The following DNALI1 variants were observed in gnomAD, a reference collection of about 807,000 sequenced individuals.
The protein encoded by DNALI1 is axonemal dynein light intermediate polypeptide 1.
Under a neutral mutation model 33.9 loss-of-function variants are expected in DNALI1, and 31 were observed. The observed-to-expected ratio is 0.91, with a 90% CI of 0.69 to 1.23. The LOEUF (loss-of-function observed/expected upper bound fraction) is 1.23. Ranked by LOEUF, DNALI1 falls within the 50% of genes most tolerant of loss-of-function variation. The pLI is 0.00. For missense variants in DNALI1, 305 were observed against 323.8 expected, an observed-to-expected ratio of 0.94 and a Z score of 0.44; for synonymous variants, 117 against 129.2, an observed-to-expected ratio of 0.91 and a Z score of 0.64.
At chr1:37,557,367 C>T (rs1356826764) in intron 1 of DNALI1, among the ~76,000 whole-genome samples, 4 of 152,144 alleles carry the variant, frequency 2.6e-5, no homozygotes, top group African/African-American at 9.7e-5. Context: ...GTGATTTCCC[C>T]ATCACCAGAG....
At chr1:37,560,959 A>G (rs1380554116) in intron 3 of DNALI1, 1 of 152,418 alleles carries the variant, frequency 6.6e-6, no homozygotes, top group Non-Finnish European at 1.5e-5. Flanking sequence ...GCTGGTGTCA[A>G]ATGGCTGTCT....
rs1207558729 is a variant in DNALI1, at chr1:37,561,413, G to A, written c.398-144G>A. 6 of 1,064,666 alleles carry A rather than the reference G, an allele frequency of 5.6e-6. No individual in the cohort carries two copies. The East Asian group carries it at 1.6e-4, about 28-fold the overall frequency. The allele number at this position is 1,064,666 out of a possible 1,614,324, so 66.0% of individuals were successfully genotyped here. ...TTGGGCCACTGAAGGCACCCTCCCT[G>A]AGGCCCTTCTCTGAGGCCTTGCACT... On this transcript the variant is annotated intron_variant, in intron 3 of 5. Transcript: ENST00000652629. The surrounding 1 kb of genome is among the most constrained non-coding windows in gnomAD (Gnocchi z 4.6).
At position 37,559,315 on chromosome 1, in the gene DNALI1, T is replaced by A; in HGVS notation, c.228-12T>A. On this transcript the variant is annotated splice_polypyrimidine_tract_variant and intron_variant, in intron 2 of 5. Coordinates refer to ENST00000652629, the MANE Select transcript of DNALI1 (RefSeq NM_003462.5). This position sits in a 1 kb window ranked among gnomAD's most constrained non-coding sequence, Gnocchi z 5.3. ...CAACGGGTTTTGCTCAGCCTCGCTGTGTCTGCCACAGGGAGTGGGTGGAAG... is the reference window on the plus strand; with the variant it reads ...CAACGGGTTTTGCTCAGCCTCGCTGAGTCTGCCACAGGGAGTGGGTGGAAG... 1.9e-6 allele frequency: 3 copies of A among 1,587,084 alleles called. No homozygotes were observed. Among genetic ancestry groups the A allele is most frequent in the Non-Finnish European group, 2.6e-6 (3 of 1,165,836 alleles).
chr1:37,560,018 C>T (rs1179472750), intron 3 of DNALI1, among the ~76,000 whole-genome samples: 3 of 152,252 alleles, frequency 2.0e-5, no homozygotes, highest in Admixed American at 1.3e-4. Flanking sequence ...TTATGCTTCT[C>T]TCTACCCAGA....
rs527806705 is a variant in DNALI1 at position 37,562,739 on chromosome 1, G to A, written c.741+494G>A. On this transcript the variant is annotated intron_variant, in intron 5 of 5. Coordinates refer to ENST00000652629, the MANE Select transcript of DNALI1 (RefSeq NM_003462.5). This position sits in a 1 kb window ranked among gnomAD's most constrained non-coding sequence, Gnocchi z 5.8. ...AAACCTTCCCCAGAAATGTGGTCGG[G>A]GAACCCAGGCACAGGTGCTCTTCCT... Among the ~76,000 whole-genome samples the A allele has an allele frequency of 2.5e-3, 388 of 152,202 alleles. 1 individual carries two copies. Among genetic ancestry groups the A allele is most frequent in the Middle Eastern group, 3.4e-3 (1 of 294 alleles).
chr1:37,566,554 GA>G lies in DNALI1; in HGVS notation c.*1496del, dbSNP rs1457254662. Reference sequence around the variant, plus strand: ...CAAATCATTCATTACCAATAAAAACGAAATACCACCCTTTCCATTTTATAGA... The same window carrying G: ...CAAATCATTCATTACCAATAAAAACGAATACCACCCTTTCCATTTTATAGA... On this transcript the variant is annotated 3_prime_UTR_variant, in exon 6 of 6. Coordinates refer to ENST00000652629, the MANE Select transcript of DNALI1 (RefSeq NM_003462.5). The G allele has an allele frequency of 7.0e-6, 2 of 287,656 alleles. No homozygotes were observed. Among genetic ancestry groups the G allele is most frequent in the Non-Finnish European group, 1.3e-5 (2 of 156,336 alleles). 17.8% of individuals were successfully genotyped at this position (287,656 alleles called of 1,614,324 possible).
chr1:37,559,491 G>C lies in DNALI1; in HGVS notation c.392G>C (p.Cys131Ser). The C allele has an allele frequency of 6.2e-7, 1 of 1,604,806 alleles. No individual in the cohort carries two copies. The highest frequency in any genetic ancestry group is 8.5e-7 in the Non-Finnish European group (1 of 1,175,092). ...GTCCGCAGGGAACTCTACTCACAGT[G>C]TTTTGGTGAGTGAGCCAGGTGAGGG... Reference protein sequence around the residue: ...CPVRRELYSQCFDELIREVTI... With the variant: ...CPVRRELYSQSFDELIREVTI... Residue 131 changes from cysteine (C) to serine (S), a missense_variant, in exon 3 of 6, where the codon TGT becomes TCT. By Grantham distance (112) the Cys-to-Ser change is moderately radical. Coordinates refer to ENST00000652629, the MANE Select transcript of DNALI1 (RefSeq NM_003462.5). This position sits in a 1 kb window ranked among gnomAD's most constrained non-coding sequence, Gnocchi z 5.3.
At chr1:37,557,887 T>C (rs908299460) in intron 2 of DNALI1, 139 bp downstream of exon 2, 5 of 1,219,452 alleles carry the variant, frequency 4.1e-6, no homozygotes, top group Non-Finnish European at 3.4e-6. Flanking sequence ...AACTTACATA[T>C]GGCTGGATCC....
chr1:37,558,982 C>T (rs1367753152), intron 2 of DNALI1, among the ~76,000 whole-genome samples: 1 of 152,166 alleles, frequency 6.6e-6, no homozygotes, highest in Non-Finnish European at 1.5e-5. Flanking sequence ...TTTCCCACCC[C>T]GTAAGTTGGT....
chr1:37,562,010 C>A lies in DNALI1; in HGVS notation c.577-71C>A. The A allele has an allele frequency of 6.2e-7, 1 of 1,602,084 alleles. No homozygotes were observed. Among genetic ancestry groups the A allele is most frequent in the Non-Finnish European group, 8.5e-7 (1 of 1,172,924 alleles). ...CCCTGGCAATGTCATGTCCCATGTC[C>A]CTTCCACCCAGGCTCACACCATTCC... On this transcript the variant is annotated intron_variant, in intron 4 of 5. Coordinates refer to ENST00000652629, the MANE Select transcript of DNALI1 (RefSeq NM_003462.5). This position sits in a 1 kb window ranked among gnomAD's most constrained non-coding sequence, Gnocchi z 5.8.
rs571991078 is a variant in DNALI1 at position 37,565,960 on chromosome 1, C to G, written c.*899C>G. On this transcript the variant is annotated 3_prime_UTR_variant, in exon 6 of 6. Transcript: ENST00000652629. ...AGAAGATTGAATGAGTGACATAAAT[C>G]TTTAGTTCGGGGCAAGCCAGGGTGG... 5 of 152,286 alleles carry G rather than the reference C, an allele frequency of 3.3e-5. No individual in the cohort carries two copies. The highest frequency in any genetic ancestry group is 1.3e-4 in the Admixed American group (2 of 15,294). 9.4% of individuals were successfully genotyped at this position (152,286 alleles called of 1,614,324 possible). A position where few individuals can be genotyped will look rare whatever the true frequency, so the allele number is the denominator to read the frequency against.
rs1297463449 is a variant in DNALI1 at position 37,562,774 on chromosome 1, A to G, written c.741+529A>G. 6.6e-6 allele frequency among the ~76,000 whole-genome samples: 1 copy of G among 152,178 alleles called. No homozygotes were observed. Among genetic ancestry groups the G allele is most frequent in the Non-Finnish European group, 1.5e-5 (1 of 68,034 alleles). On this transcript the variant is annotated intron_variant, in intron 5 of 5. Coordinates refer to ENST00000652629, the MANE Select transcript of DNALI1 (RefSeq NM_003462.5). This position sits in a 1 kb window ranked among gnomAD's most constrained non-coding sequence, Gnocchi z 5.8. ...CACAGGTGCTCTTCCTCGAAGTCCG[A>G]TGCCAGCAGTGGTCTTTTATCCAGC...
rs148523041 is a variant in DNALI1 at position 37,559,625 on chromosome 1, C to G, written c.397+129C>G. The G allele has an allele frequency of 8.3e-3, 9,252 of 1,115,204 alleles. 59 individuals carry two copies. The highest frequency in any genetic ancestry group is 0.01 in the Non-Finnish European group (8,620 of 847,866). The allele number at this position is 1,115,204 out of a possible 1,614,324, so 69.1% of individuals were successfully genotyped here. A position where few individuals can be genotyped will look rare whatever the true frequency, so the allele number is the denominator to read the frequency against. On this transcript the variant is annotated intron_variant, in intron 3 of 5. Coordinates refer to ENST00000652629, the MANE Select transcript of DNALI1 (RefSeq NM_003462.5). This position sits in a 1 kb window ranked among gnomAD's most constrained non-coding sequence, Gnocchi z 5.3. ...TCATGCTGGAATCCCCTCTTCTCCC[C>G]CTGCCTGACCCACCCAGCAACAGCT...
intron 2 of DNALI1, 87 bp downstream of exon 2, chr1:37,557,835 G>C (rs1643391782): frequency 1.3e-6 from 2 of 1,568,134 alleles, no homozygotes; most frequent in African/African-American, 2.7e-5. Context: ...CTCTGCCTCT[G>C]TTCCTGGCTG....
At chr1:37,557,177 G>C in intron 1 of DNALI1, 102 bp downstream of exon 1, 1 of 1,546,660 alleles carries the variant, frequency 6.5e-7, no homozygotes, top group Non-Finnish European at 8.8e-7. Context: ...GGGGATTGCA[G>C]CGACTGGGAG....
At position 37,557,701 on chromosome 1, in the gene DNALI1, TC is replaced by T; in HGVS notation, c.182del (p.Pro61LeufsTer9). 1 of 1,613,912 alleles carries T rather than the reference TC, an allele frequency of 6.2e-7. No individual in the cohort carries two copies. ...KLPSTPCVPD[P>X]TKQAEEILNA... Reference sequence around the variant, plus strand: ...TCCCCTCAACTCCCTGTGTCCCAGATCCTACAAAGCAGGCAGAAGAAATCTT... The same window carrying T: ...TCCCCTCAACTCCCTGTGTCCCAGATCTACAAAGCAGGCAGAAGAAATCTT... On this transcript the variant is annotated frameshift_variant, in exon 2 of 6. Coordinates refer to ENST00000652629, the MANE Select transcript of DNALI1 (RefSeq NM_003462.5). LOFTEE classifies it high-confidence loss of function.
At chr1:37,564,094 G>A (rs1643470999) in intron 5 of DNALI1, among the ~76,000 whole-genome samples, 1 of 151,914 alleles carries the variant, frequency 6.6e-6, no homozygotes, top group African/African-American at 2.4e-5. Flanking sequence ...GTAGCTGGGC[G>A]TGGTGATGTG....
Position 37,565,169 on chromosome 1 carries a change from C to A in DNALI1, c.*108C>A. ...GCCCTTTGTAATAAAAAGCTAGTTT[C>A]CTGAGTGAACAAGCCATAACCTCCC... On this transcript the variant is annotated 3_prime_UTR_variant, in exon 6 of 6. Coordinates refer to ENST00000652629, the MANE Select transcript of DNALI1 (RefSeq NM_003462.5). 1.6e-6 allele frequency: 2 copies of A among 1,289,944 alleles called. No individual in the cohort carries two copies. Among genetic ancestry groups the A allele is most frequent in the Non-Finnish European group, 2.2e-6 (2 of 912,776 alleles). 79.9% of individuals were successfully genotyped at this position (1,289,944 alleles called of 1,614,324 possible).
In DNALI1 at chr1:37,561,866, T is replaced by C. The variant is rs1054155860; in HGVS notation, c.576+131T>C. ...GACAGTCACGACACCTGGACTTGCA[T>C]CACCTCAGTGAGGGACCCCTGGTTG... On this transcript the variant is annotated intron_variant, in intron 4 of 5. Coordinates refer to ENST00000652629, the MANE Select transcript of DNALI1 (RefSeq NM_003462.5). The surrounding 1 kb of genome is among the most constrained non-coding windows in gnomAD (Gnocchi z 4.6). The C allele has an allele frequency of 1.4e-6, 2 of 1,395,580 alleles. No individual in the cohort carries two copies. The highest frequency in any genetic ancestry group is 2.9e-5 in the African/African-American group (2 of 69,726). 86.4% of individuals were successfully genotyped at this position (1,395,580 alleles called of 1,614,324 possible).
Sources: allele counts gnomAD v4.1 joint callset (sites outside exome capture counted in the v4.1 genomes callset), GRCh38; gene constraint gnomAD v4.1.1; non-coding constraint Gnocchi (gnomAD v3.1); transcripts MANE v1.5; gene names NCBI Gene and HGNC (gene_info 2026-07-23, HGNC 2026-07-21).